PHLPP2: variants seen among roughly 807,000 people sequenced by gnomAD.
PHLPP2 encodes PH domain leucine-rich repeat-containing protein phosphatase 2.
In PHLPP2, 66 loss-of-function variants were observed where a neutral mutation model predicts 124.9. The ratio of observed to expected loss-of-function variants is 0.53; its 90% confidence interval spans 0.43 to 0.65. The LOEUF (loss-of-function observed/expected upper bound fraction) is 0.65, where lower values mean the gene tolerates loss of function less well. PHLPP2 is among the 30% of genes least tolerant of loss of function. The pLI, the probability that PHLPP2 is intolerant of heterozygous loss-of-function variation, is 0.00. For synonymous variants in PHLPP2, 681 were observed against 624.7 expected, an observed-to-expected ratio of 1.09 and a Z score of -1.34; for missense variants, 1,685 against 1,600.4, an observed-to-expected ratio of 1.05 and a Z score of -0.90.
At chr16:71,697,279 A>T (rs1017253672) in intron 3 of PHLPP2, among the ~76,000 whole-genome samples, 1 of 152,130 alleles carries the variant, frequency 6.6e-6, no homozygotes, top group Non-Finnish European at 1.5e-5. Context: ...GATTATTGCC[A>T]TCCTAGCCCA....
At chr16:71,694,935 C>A (rs1002686459) in intron 3 of PHLPP2, among the ~76,000 whole-genome samples, 7 of 152,114 alleles carry the variant, frequency 4.6e-5, no homozygotes, top group Non-Finnish European at 8.8e-5. Context: ...CAGGCGCCTG[C>A]CACCACGCCC....
Position 71,684,466 on chromosome 16 carries a change from T to A in PHLPP2, c.735+10A>T. 1 of 1,613,756 alleles carries A rather than the reference T, an allele frequency of 6.2e-7. No homozygotes were observed. Among genetic ancestry groups the A allele is most frequent in the Non-Finnish European group, 8.5e-7 (1 of 1,179,808 alleles). ...TTATCTCCACATCAGAACATCCCAT[T>A]ACTTTTCACCTTGGATGCTTGCCGT... On this transcript the variant is annotated intron_variant, in intron 5 of 18. Transcript: ENST00000568954.
At chr16:71,684,822 C>A (rs999589899) in intron 4 of PHLPP2, among the ~76,000 whole-genome samples, 1 of 152,178 alleles carries the variant, frequency 6.6e-6, no homozygotes, top group African/African-American at 2.4e-5. Flanking sequence ...TTTGCTCTAT[C>A]ACCAGCAGCT....
At position 71,672,306 on chromosome 16, in the gene PHLPP2, G is replaced by A. The variant is rs144456017; in HGVS notation, c.1488C>T (p.Asn496=). The change falls in exon 10 of 19, where the codon AAC becomes AAT. Residue 496 remains asparagine, a synonymous_variant. Coordinates refer to ENST00000568954, the MANE Select transcript of PHLPP2 (RefSeq NM_015020.3). ...YASSNRLTAV[N]VYPVPSLLTF... ...TGAGCAGGCTGGGTACTGGATAGAC[G>A]TTCACTGCTGTCAGCCCTAATCCAA... 54 of 1,613,152 alleles carry A rather than the reference G, an allele frequency of 3.3e-5. No homozygotes were observed. In the Middle Eastern group the frequency reaches 6.6e-4, roughly 20 times the overall value.
chr16:71,661,982 C>A (rs2145316225), intron 13 of PHLPP2, among the ~76,000 whole-genome samples: 1 of 152,166 alleles, frequency 6.6e-6, no homozygotes, highest in South Asian at 2.1e-4. Context: ...CACCACCACA[C>A]CTGGCTAATT....
chr16:71,690,741 A>T, intron 3 of PHLPP2, 32 bp from the exon 4 acceptor site: 1 of 1,435,580 alleles, frequency 7.0e-7, no homozygotes, highest in South Asian at 1.2e-5. Context: ...AGAATCCACC[A>T]TTAAAGTAGT....
chr16:71,661,691 C>G (rs187803556), intron 13 of PHLPP2, among the ~76,000 whole-genome samples: 2 of 152,176 alleles, frequency 1.3e-5, no homozygotes, highest in Admixed American at 6.5e-5. Flanking sequence ...TTCAAGGAGG[C>G]TGACCAGGCA....
At chr16:71,682,449 C>T (rs185578371) in intron 5 of PHLPP2, among the ~76,000 whole-genome samples, 1 of 152,048 alleles carries the variant, frequency 6.6e-6, no homozygotes, top group Non-Finnish European at 1.5e-5. Flanking sequence ...TCCCAAAGTG[C>T]TGGGATTACA....
chr16:71,670,748 G>C (rs1264554785), intron 10 of PHLPP2, among the ~76,000 whole-genome samples: 2 of 136,678 alleles, frequency 1.5e-5, no homozygotes, highest in East Asian at 4.4e-4. Flanking sequence ...GAGGGGGAGA[G>C]AGGAGGACAA....
At position 71,664,153 on chromosome 16, in the gene PHLPP2, T is replaced by C. The variant is rs1175624950; in HGVS notation, c.1785-54A>G. 2.5e-6 allele frequency: 3 copies of C among 1,216,086 alleles called. No individual in the cohort carries two copies. The African/African-American group carries it at 4.5e-5, about 18-fold the overall frequency. The allele number at this position is 1,216,086 out of a possible 1,614,324, so 75.3% of individuals were successfully genotyped here. On this transcript the variant is annotated intron_variant, in intron 12 of 18. Coordinates refer to ENST00000568954, the MANE Select transcript of PHLPP2 (RefSeq NM_015020.3). ...CCTTTAAGTTTATTTGCTGCCTTCC[T>C]ATATAGAAACCATCATGTCACCTCA...
Position 71,648,916 on chromosome 16 carries a change from G to A in PHLPP2, c.3946C>T (p.Pro1316Ser). ...EPHEEDRTEP[P>S]EEFDTAL is the part of the protein sequence containing the mutation. ...CATAGTGCTGTGTCGAACTCCTCCG[G>A]GGGCTCGGTCCGATCCTCTTCATGG... is the stretch of plus-strand genomic sequence containing the variant. The change falls in exon 19 of 19, where the codon CCG (proline) becomes TCG (serine). Residue 1316 changes from proline (P) to serine (S), a missense_variant. Physicochemically the swap from Pro to Ser is moderately conservative, Grantham distance 74 (BLOSUM62 -1). Coordinates refer to ENST00000568954, the MANE Select transcript of PHLPP2 (RefSeq NM_015020.3). 6.2e-7 allele frequency: 1 copy of A among 1,612,676 alleles called. No individual in the cohort carries two copies. The highest frequency in any genetic ancestry group is 2.2e-5 in the East Asian group (1 of 44,882).
intron 4 of PHLPP2, among the ~76,000 whole-genome samples, chr16:71,685,059 G>A (rs181270595): frequency 1.3e-5 from 2 of 152,340 alleles, no homozygotes; most frequent in East Asian, 3.9e-4. Context: ...CAGGCGTGGT[G>A]GCTCACGCCT....
intron 15 of PHLPP2, among the ~76,000 whole-genome samples, chr16:71,657,758 T>C (rs913062673): frequency 6.6e-6 from 1 of 152,020 alleles, no homozygotes; most frequent in African/African-American, 2.4e-5. Context: ...GAGAGACTGA[T>C]GAAAGTAGTA....
At chr16:71,659,640 T>A (rs1249434752) in intron 13 of PHLPP2, among the ~76,000 whole-genome samples, 1 of 152,214 alleles carries the variant, frequency 6.6e-6, no homozygotes, top group East Asian at 1.9e-4. Flanking sequence ...CAAGTTCTTA[T>A]TATACACACA....
At chr16:71,690,168 T>TG (rs1368005218) in intron 4 of PHLPP2, among the ~76,000 whole-genome samples, 3 of 151,936 alleles carry the variant, frequency 2.0e-5, no homozygotes, top group South Asian at 2.1e-4. Flanking sequence ...TTAATTTAAT[T>TG]GGGGGGGAAA....
chr16:71,695,411 A>T (rs2045159593), intron 3 of PHLPP2, among the ~76,000 whole-genome samples: 1 of 152,214 alleles, frequency 6.6e-6, no homozygotes, highest in South Asian at 2.1e-4. Flanking sequence ...TATGCCCCTG[A>T]AAGAAATGTA....
chr16:71,664,051 G>T lies in PHLPP2; in HGVS notation c.1833C>A (p.Ser611=). 1 of 1,613,808 alleles carries T rather than the reference G, an allele frequency of 6.2e-7. No homozygotes were observed. The highest frequency in any genetic ancestry group is 8.5e-7 in the Non-Finnish European group (1 of 1,179,762). The stretch of plus-strand genomic sequence containing the variant: ...TCAAACTCTCCTCTCCAGTGCAGGC[G>T]GATGGTAAAGACTCCAGACTATTTG... ...ASANSLESLP[S]ACTGEESLSM... Residue 611 remains serine (S), a synonymous_variant, in exon 13 of 19, where the codon TCC becomes TCA. Transcript: ENST00000568954.
At chr16:71,669,252 T>C (rs2044868268) in intron 11 of PHLPP2, 23 bp downstream of exon 11, 1 of 1,464,690 alleles carries the variant, frequency 6.8e-7, no homozygotes, top group South Asian at 1.1e-5. Context: ...ATATACATAA[T>C]ATATGCATCC....
chr16:71,654,204 GAAAA>G (rs765826548), intron 17 of PHLPP2, among the ~76,000 whole-genome samples: 38 of 72,358 alleles, frequency 5.3e-4, no homozygotes, highest in African/African-American at 2.0e-3. Flanking sequence ...TCTCAAAAAA[GAAAA>G]AAAAAAAAAA....
Sources: allele counts gnomAD v4.1 joint callset (sites outside exome capture counted in the v4.1 genomes callset), GRCh38; gene constraint gnomAD v4.1.1; transcripts MANE v1.5; gene names NCBI Gene and HGNC (gene_info 2026-07-23, HGNC 2026-07-21).